The following SLC17A1 variants were observed in gnomAD, a reference collection of about 807,000 sequenced individuals.
SLC17A1 encodes the protein solute carrier family 17 member 1.
In SLC17A1, 51 loss-of-function variants were observed where a neutral mutation model predicts 53.5. The observed-to-expected ratio is 0.95, with a 90% confidence interval of 0.76 to 1.20. The LOEUF is 1.20. Among genes scored for constraint, SLC17A1 ranks in the 50% most tolerant of loss-of-function variants. The pLI, the probability that SLC17A1 is intolerant of heterozygous loss-of-function variation, is 0.00. For missense variants in SLC17A1, 538 were observed against 568.2 expected (o/e 0.95, Z 0.54); for synonymous variants, 179 against 198.8 (o/e 0.90, Z 0.84).
At chr6:25,807,663 A>G (rs774418590) in intron 10 of SLC17A1, among the ~76,000 whole-genome samples, 6 of 151,774 alleles carry the variant, frequency 4.0e-5, no homozygotes, top group Non-Finnish European at 8.8e-5. Context: ...TTTTATACCT[A>G]TGTCCTCATT....
chr6:25,776,481 AAAGTG>A, the SLC17A1 span: 1 of 1,263,914 alleles, frequency 7.9e-7, no homozygotes, highest in South Asian at 1.6e-5. Context: ...ATTTGTATTA[AAAGTG>A]ATGCGTATAT....
At chr6:25,758,388 A>C in the SLC17A1 span, among the ~76,000 whole-genome samples, 2 of 152,230 alleles carry the variant, frequency 1.3e-5, no homozygotes, top group Admixed American at 1.3e-4. Context: ...TAATTACAGT[A>C]ATAATTCAAA....
At chr6:25,781,836 T>C (rs1763275196), downstream of SLC17A1, among the ~76,000 whole-genome samples, 1 of 152,148 alleles carries the variant, frequency 6.6e-6, no homozygotes, top group African/African-American at 2.4e-5. Context: ...AACATTGGGA[T>C]CAAATTTCAA....
At chr6:25,748,188 G>A in the SLC17A1 span, among the ~76,000 whole-genome samples, 47 of 152,238 alleles carry the variant, frequency 3.1e-4, no homozygotes, top group South Asian at 7.9e-3. Context: ...TCAGATTGGT[G>A]TTACTGAACA....
At chr6:25,726,449 G>C in the SLC17A1 span, 1 of 1,613,980 alleles carries the variant, frequency 6.2e-7, no homozygotes, top group Non-Finnish European at 8.5e-7. Context: ...CGGCCTACGG[G>C]AAACTGCAAA....
chr6:25,734,981 A>C, the SLC17A1 span, among the ~76,000 whole-genome samples: 1 of 152,228 alleles, frequency 6.6e-6, no homozygotes, highest in Non-Finnish European at 1.5e-5. Flanking sequence ...GGAAATCAAC[A>C]GTTCTCAGAG....
the SLC17A1 span, chr6:25,773,550 T>C: frequency 8.7e-6 from 14 of 1,613,872 alleles, no homozygotes; most frequent in Non-Finnish European, 1.2e-5. Context: ...ATTAGGGCTA[T>C]GATCAAATCC....
At chr6:25,799,099 T>C (rs1277192885) in intron 11 of SLC17A1, among the ~76,000 whole-genome samples, 180 bp from the exon 12 acceptor site, 1 of 152,214 alleles carries the variant, frequency 6.6e-6, no homozygotes, top group Non-Finnish European at 1.5e-5. Context: ...TTTATCTTTC[T>C]ACTATATACA....
chr6:25,771,435 G>A, the SLC17A1 span, among the ~76,000 whole-genome samples: 1 of 151,980 alleles, frequency 6.6e-6, no homozygotes, highest in Non-Finnish European at 1.5e-5. Context: ...TTAGCCGAGT[G>A]TGATGGTGCA....
At chr6:25,826,420 G>A (rs920844589) in intron 3 of SLC17A1, 41 bp downstream of exon 3, 11 of 1,493,340 alleles carry the variant, frequency 7.4e-6, no homozygotes, top group African/African-American at 2.8e-5. Context: ...TAGCAAGACA[G>A]GCTTTTAAAC....
At chr6:25,724,210 G>C in the SLC17A1 span, among the ~76,000 whole-genome samples, 2 of 152,206 alleles carry the variant, frequency 1.3e-5, no homozygotes, top group African/African-American at 4.8e-5. Flanking sequence ...GATCACCTGA[G>C]GTCAGGAGTT....
At chr6:25,812,291 T>C (rs1764184475) in intron 8 of SLC17A1, among the ~76,000 whole-genome samples, 1 of 152,196 alleles carries the variant, frequency 6.6e-6, no homozygotes, top group Non-Finnish European at 1.5e-5. Context: ...ACTCCATTTC[T>C]AAAGGAGTCT....
chr6:25,771,018 T>G, the SLC17A1 span: 1 of 1,611,900 alleles, frequency 6.2e-7, no homozygotes, highest in Middle Eastern at 1.7e-4. Context: ...CTTTGGTGAG[T>G]GTGCTTTTCA....
chr6:25,754,345 T>A, the SLC17A1 span, among the ~76,000 whole-genome samples: 2 of 152,194 alleles, frequency 1.3e-5, no homozygotes, highest in African/African-American at 2.4e-5. Flanking sequence ...AAGTCTCTCC[T>A]CTTTGGAAAG....
At position 25,820,897 on chromosome 6, in the gene SLC17A1, C is replaced by CAA. The variant is rs59962368; in HGVS notation, c.208-984_208-983dup. 6.4e-3 allele frequency among the ~76,000 whole-genome samples: 397 copies of CAA among 61,936 alleles called. 7 individuals are homozygous for CAA. Among genetic ancestry groups the CAA allele is most frequent in the Middle Eastern group, 0.017 (2 of 120 alleles). 40.6% of individuals were successfully genotyped at this position (61,936 alleles called of 152,430 possible). On this transcript the variant is annotated intron_variant, in intron 3 of 12. Transcript: ENST00000244527. ...TGGGCGACAGAGTGAGACTCCATCT[C>CAA]AAAAAAAAAAAAAAAAAAAAGAATG...
At chr6:25,827,855 T>G (rs2151509185) in intron 2 of SLC17A1, among the ~76,000 whole-genome samples, 1 of 152,260 alleles carries the variant, frequency 6.6e-6, no homozygotes, top group African/African-American at 2.4e-5. Flanking sequence ...CATCTGGCCC[T>G]TAAAGACTCA....
chr6:25,775,647 C>A, the SLC17A1 span, among the ~76,000 whole-genome samples: 2 of 151,968 alleles, frequency 1.3e-5, no homozygotes, highest in East Asian at 3.9e-4. Flanking sequence ...AGGCTGGTCT[C>A]GAACTCCTGA....
chr6:25,830,244 G>A (rs1764898263), intron 2 of SLC17A1, among the ~76,000 whole-genome samples: 1 of 152,120 alleles, frequency 6.6e-6, no homozygotes, highest in Non-Finnish European at 1.5e-5. Flanking sequence ...CTTGGAGATG[G>A]AACCAAAATA....
At chr6:25,725,760 C>G in the SLC17A1 span, among the ~76,000 whole-genome samples, 16 of 152,214 alleles carry the variant, frequency 1.1e-4, no homozygotes, top group South Asian at 4.1e-4. Flanking sequence ...ATCACCAGAC[C>G]CAGCTAGTTT....
Sources: gnomAD v4.1 joint callset for allele counts (sites outside exome capture counted in the v4.1 genomes callset) on GRCh38, gnomAD v4.1.1 for gene constraint, MANE v1.5 for transcripts, NCBI Gene and HGNC (gene_info 2026-07-23, HGNC 2026-07-21) for gene names.